Variants in ASIC2 observed in about 807,000 individuals in gnomAD.
ASIC2 encodes the protein acid sensing ion channel subunit 2.
In ASIC2, 25 loss-of-function variants were observed where a neutral mutation model predicts 57.3. The ratio of observed to expected loss-of-function variants is 0.44; its 90% CI spans 0.32 to 0.61. The LOEUF is 0.61. Among genes scored for constraint, ASIC2 ranks in the 20% least tolerant of loss-of-function variants. The pLI is 0.06. For missense variants in ASIC2, 641 were observed against 738.1 expected (o/e 0.87, Z 1.52); for synonymous variants, 319 against 307.5 (o/e 1.04, Z -0.39).
intron 1 of ASIC2, among the ~76,000 whole-genome samples, chr17:33,413,872 G>C (rs756895978): frequency 2.4e-4 from 37 of 152,218 alleles, no homozygotes; most frequent in Non-Finnish European, 5.3e-4. Context: ...TTAGGGGTTT[G>C]TTCATTTGAT....
intron 1 of ASIC2, among the ~76,000 whole-genome samples, chr17:33,700,277 A>G (rs1908656249): frequency 6.7e-6 from 1 of 148,230 alleles, no homozygotes; most frequent in South Asian, 2.1e-4. Context: ...TGGGGAGGTG[A>G]AAAAAAAAAG....
intron 1 of ASIC2, among the ~76,000 whole-genome samples, chr17:33,906,502 G>T (rs317350): frequency 0.22 from 32,762 of 152,098 alleles, 3,740 homozygotes; most frequent in East Asian, 0.37. Flanking sequence ...CAGTTCTGAG[G>T]CTCAACATGT....
At chr17:34,001,295 G>A (rs1906331484) in intron 1 of ASIC2, 1 of 152,516 alleles carries the variant, frequency 6.6e-6, no homozygotes, top group African/African-American at 2.4e-5. Context: ...GTCCATGGGT[G>A]GGCTTGCTGC....
intron 1 of ASIC2, among the ~76,000 whole-genome samples, chr17:33,384,104 C>A (rs1157346417): frequency 1.3e-5 from 2 of 152,166 alleles, no homozygotes; most frequent in African/African-American, 4.8e-5. Flanking sequence ...CTGGCCCCCA[C>A]CTGTTAAGTA....
intron 1 of ASIC2, among the ~76,000 whole-genome samples, chr17:33,904,796 T>G (rs1915312985): frequency 6.6e-6 from 1 of 152,222 alleles, no homozygotes; most frequent in South Asian, 2.1e-4. Flanking sequence ...TGTAACTTCT[T>G]CCTTAAAGTT....
intron 1 of ASIC2, among the ~76,000 whole-genome samples, chr17:33,330,240 C>T (rs549283502): frequency 6.6e-6 from 1 of 152,232 alleles, no homozygotes; most frequent in East Asian, 1.9e-4. Context: ...ATTCTAGACT[C>T]CTCACCCCAT....
At chr17:33,813,827 G>C (rs1258589575) in intron 1 of ASIC2, among the ~76,000 whole-genome samples, 1 of 151,876 alleles carries the variant, frequency 6.6e-6, no homozygotes, top group African/African-American at 2.4e-5. Flanking sequence ...ACATTTTTTT[G>C]TTTTCAAGAA....
intron 1 of ASIC2, among the ~76,000 whole-genome samples, chr17:33,633,589 T>C (rs978643844): frequency 6.6e-6 from 1 of 152,216 alleles, no homozygotes; most frequent in African/African-American, 2.4e-5. Context: ...ACGCCTGCCA[T>C]GTCTGCCAAT....
intron 1 of ASIC2, among the ~76,000 whole-genome samples, chr17:33,340,481 T>C: frequency 6.6e-6 from 1 of 152,222 alleles, no homozygotes; most frequent in East Asian, 1.9e-4. Flanking sequence ...CAGCAAGTGC[T>C]CAATAAATGC....
chr17:33,722,752 G>A (rs764532674), intron 1 of ASIC2, among the ~76,000 whole-genome samples: 3 of 152,250 alleles, frequency 2.0e-5, no homozygotes, highest in Admixed American at 6.5e-5. Flanking sequence ...AACAGGGTGA[G>A]ACCCTGTCTC....
chr17:33,798,503 A>G (rs1042147976), intron 1 of ASIC2, among the ~76,000 whole-genome samples: 4 of 152,150 alleles, frequency 2.6e-5, no homozygotes, highest in African/African-American at 4.8e-5. Flanking sequence ...AGCGAATGAG[A>G]CTGTTCATCC....
chr17:33,102,562 C>T (rs1597578526), intron 2 of ASIC2, among the ~76,000 whole-genome samples: 1 of 152,046 alleles, frequency 6.6e-6, no homozygotes, highest in East Asian at 1.9e-4. Context: ...TTGACAGTGT[C>T]CTCTTCTCCA....
At chr17:33,958,413 C>T (rs1224388417) in intron 1 of ASIC2, among the ~76,000 whole-genome samples, 2 of 152,210 alleles carry the variant, frequency 1.3e-5, no homozygotes, top group Non-Finnish European at 2.9e-5. Flanking sequence ...CACACCTCTG[C>T]CTGGACATCT....
chr17:34,054,018 C>T (rs1433536734), intron 1 of ASIC2, among the ~76,000 whole-genome samples: 1 of 152,218 alleles, frequency 6.6e-6, no homozygotes, highest in Admixed American at 6.5e-5. Flanking sequence ...AGGACTCAGA[C>T]CAGAGCAGAC....
intron 1 of ASIC2, among the ~76,000 whole-genome samples, chr17:34,114,508 T>C (rs1288701811): frequency 6.6e-6 from 1 of 152,160 alleles, no homozygotes; most frequent in Non-Finnish European, 1.5e-5. Flanking sequence ...TGAACCTGAC[T>C]CTGCCACTCA....
At chr17:33,536,207 C>G (rs1228670134) in intron 1 of ASIC2, among the ~76,000 whole-genome samples, 2 of 152,196 alleles carry the variant, frequency 1.3e-5, no homozygotes, top group Non-Finnish European at 2.9e-5. Flanking sequence ...GTCTTCTCAT[C>G]TCAGTAAATG....
At chr17:33,089,268 AAGGGAGGC>A (rs2092148403) in intron 2 of ASIC2, among the ~76,000 whole-genome samples, 3 of 152,194 alleles carry the variant, frequency 2.0e-5, no homozygotes. Context: ...GTTCCTATGA[AAGGGAGGC>A]AGGAGGATCA....
chr17:34,132,018 T>A (rs775883267), intron 1 of ASIC2, among the ~76,000 whole-genome samples: 2 of 152,164 alleles, frequency 1.3e-5, no homozygotes, highest in Non-Finnish European at 2.9e-5. Context: ...TGAGACACCA[T>A]CTCTTATGCC....
At chr17:33,114,810 G>T (rs963959826) in intron 1 of ASIC2, among the ~76,000 whole-genome samples, 3 of 152,228 alleles carry the variant, frequency 2.0e-5, no homozygotes, top group African/African-American at 7.2e-5. Context: ...ACTTGCTAAA[G>T]GTTACACAGC....
Sources: allele counts gnomAD v4.1 joint callset (sites outside exome capture counted in the v4.1 genomes callset), GRCh38; gene constraint gnomAD v4.1.1; transcripts MANE v1.5; gene names NCBI Gene and HGNC (gene_info 2026-07-23, HGNC 2026-07-21).